The following ZNF804A variants were observed in gnomAD, a reference collection of about 807,000 sequenced individuals.
The protein encoded by ZNF804A is zinc finger protein 804A.
Under a neutral mutation model 16.5 loss-of-function variants are expected in ZNF804A, and 2 were observed. The ratio of observed to expected loss-of-function variants is 0.12; its 90% CI spans 0.05 to 0.38. The LOEUF (loss-of-function observed/expected upper bound fraction) is 0.38, where lower values mean the gene tolerates loss of function less well. Ranked by LOEUF, ZNF804A falls within the 10% of genes least tolerant of loss-of-function variation. ZNF804A has a pLI of 0.99. For synonymous variants in ZNF804A, 534 were observed against 489.6 expected, an observed-to-expected ratio of 1.09 and a Z score of -1.20; for missense variants, 1,473 against 1,390.7, an observed-to-expected ratio of 1.06 and a Z score of -0.94.
At chr2:184,682,961 T>C (rs1001157558) in intron 1 of ZNF804A, among the ~76,000 whole-genome samples, 8 of 152,228 alleles carry the variant, frequency 5.3e-5, no homozygotes, top group Non-Finnish European at 1.2e-4. Flanking sequence ...TGAGCTGTGA[T>C]TGTGCCTCCG....
chr2:184,775,003 A>G (rs1030389474), intron 1 of ZNF804A, among the ~76,000 whole-genome samples: 1 of 151,652 alleles, frequency 6.6e-6, no homozygotes, highest in East Asian at 1.9e-4. Context: ...AAATATGTCT[A>G]TATTTGTTTA....
At chr2:184,907,462 T>C (rs1685294925) in intron 2 of ZNF804A, among the ~76,000 whole-genome samples, 1 of 152,186 alleles carries the variant, frequency 6.6e-6, no homozygotes. Flanking sequence ...CTGAAAGAAG[T>C]ATTACATATC....
intron 1 of ZNF804A, among the ~76,000 whole-genome samples, chr2:184,764,283 A>G (rs1297440036): frequency 2.6e-5 from 4 of 152,034 alleles, no homozygotes; most frequent in African/African-American, 9.7e-5. Flanking sequence ...GGTTTATTTG[A>G]GAGAATATTT....
intron 1 of ZNF804A, among the ~76,000 whole-genome samples, chr2:184,682,024 CT>C (rs755051353): frequency 5.9e-5 from 9 of 152,254 alleles, no homozygotes; most frequent in Non-Finnish European, 8.8e-5. Context: ...ACAGCACCCC[CT>C]GCCGCCTCAG....
intron 2 of ZNF804A, among the ~76,000 whole-genome samples, chr2:184,882,651 T>C (rs542831921): frequency 2.5e-4 from 38 of 152,128 alleles, no homozygotes; most frequent in African/African-American, 8.4e-4. Flanking sequence ...CAAAACCATA[T>C]AGTTACATGG....
chr2:184,898,911 T>C (rs1432780320), intron 2 of ZNF804A, among the ~76,000 whole-genome samples: 1 of 152,006 alleles, frequency 6.6e-6, no homozygotes, highest in Non-Finnish European at 1.5e-5. Context: ...TGTAATTGTG[T>C]AACTATTTTA....
chr2:184,745,754 C>T (rs2105755341), intron 1 of ZNF804A, among the ~76,000 whole-genome samples: 1 of 151,510 alleles, frequency 6.6e-6, no homozygotes, highest in African/African-American at 2.4e-5. Context: ...TGGATTATTA[C>T]TACTTATGGG....
At chr2:184,629,684 T>G (rs887181656) in intron 1 of ZNF804A, among the ~76,000 whole-genome samples, 1 of 152,176 alleles carries the variant, frequency 6.6e-6, no homozygotes, top group African/African-American at 2.4e-5. Flanking sequence ...CAAACTGCAA[T>G]ATTAAAATTA....
intron 2 of ZNF804A, among the ~76,000 whole-genome samples, chr2:184,922,914 G>A (rs1204394324): frequency 6.6e-6 from 1 of 151,924 alleles, no homozygotes; most frequent in Non-Finnish European, 1.5e-5. Context: ...CTATTCCATT[G>A]GTCTGTCTTT....
chr2:184,612,915 C>A (rs1000336625), intron 1 of ZNF804A, among the ~76,000 whole-genome samples: 2 of 152,104 alleles, frequency 1.3e-5, no homozygotes, highest in African/African-American at 4.8e-5. Flanking sequence ...AATAATAAAT[C>A]AAAACACACA....
At chr2:184,726,953 G>A (rs1574182775) in intron 1 of ZNF804A, among the ~76,000 whole-genome samples, 2 of 151,648 alleles carry the variant, frequency 1.3e-5, no homozygotes, top group East Asian at 3.9e-4. Context: ...GTAAAATTTA[G>A]AAGTTGAATG....
At chr2:184,681,686 C>A (rs1393739748) in intron 1 of ZNF804A, among the ~76,000 whole-genome samples, 1 of 152,220 alleles carries the variant, frequency 6.6e-6, no homozygotes, top group African/African-American at 2.4e-5. Context: ...CCAGCTTCAA[C>A]AGGGGAAGTG....
At chr2:184,914,541 T>C (rs1281351381) in intron 2 of ZNF804A, among the ~76,000 whole-genome samples, 1 of 152,134 alleles carries the variant, frequency 6.6e-6, no homozygotes, top group Non-Finnish European at 1.5e-5. Context: ...AAGCCAAATT[T>C]CCTAATAACA....
intron 2 of ZNF804A, 143 bp downstream of exon 2, chr2:184,866,655 A>G (rs1695881275): frequency 2.9e-6 from 2 of 683,940 alleles, no homozygotes; most frequent in Non-Finnish European, 4.2e-6. Flanking sequence ...TGGGATGATA[A>G]TTTGATGACT....
At chr2:184,689,694 C>A (rs1387750289) in intron 1 of ZNF804A, among the ~76,000 whole-genome samples, 1 of 151,994 alleles carries the variant, frequency 6.6e-6, no homozygotes, top group African/African-American at 2.4e-5. Flanking sequence ...ATAGACACAA[C>A]ATTTTTAGCT....
chr2:184,691,853 C>G (rs1399453293), intron 1 of ZNF804A, among the ~76,000 whole-genome samples: 1 of 151,356 alleles, frequency 6.6e-6, no homozygotes, highest in Non-Finnish European at 1.5e-5. Flanking sequence ...CACAGTGATC[C>G]CAGAAATAGC....
intron 1 of ZNF804A, among the ~76,000 whole-genome samples, chr2:184,806,753 A>C (rs959034668): frequency 6.6e-6 from 1 of 151,842 alleles, no homozygotes; most frequent in Non-Finnish European, 1.5e-5. Flanking sequence ...TTTTTACAAA[A>C]GTACTAAAAA....
At chr2:184,781,222 C>T (rs1694366728) in intron 1 of ZNF804A, among the ~76,000 whole-genome samples, 1 of 151,630 alleles carries the variant, frequency 6.6e-6, no homozygotes, top group Non-Finnish European at 1.5e-5. Flanking sequence ...ACAAATTTAT[C>T]TTAGTAATTT....
rs772195821 is a variant in ZNF804A, at chr2:184,679,150, C to CGTA, written c.111+80082_111+80084dup. On this transcript the variant is annotated intron_variant, in intron 1 of 3. Transcript: ENST00000302277. ...ATAGAATGTGGATTAAGATGTTGAA[C>CGTA]GTAGATTCAGACAAAAAATAAATTA... 3.9e-5 allele frequency among the ~76,000 whole-genome samples: 6 copies of CGTA among 152,236 alleles called. No homozygotes were observed. In the South Asian group the frequency reaches 8.3e-4, roughly 21 times the overall value.
Sources: gnomAD v4.1 joint callset for allele counts (sites outside exome capture counted in the v4.1 genomes callset) on GRCh38, gnomAD v4.1.1 for gene constraint, MANE v1.5 for transcripts, NCBI Gene and HGNC (gene_info 2026-07-23, HGNC 2026-07-21) for gene names.